Variants in COL4A2 observed in about 807,000 individuals in gnomAD.
COL4A2 encodes collagen type IV alpha 2 chain, also known as collagen alpha-2(IV) chain.
COL4A2 carries 99 observed loss-of-function variants against 200.2 expected under a neutral mutation model. The ratio of observed to expected loss-of-function variants is 0.49; its 90% CI spans 0.42 to 0.58. The LOEUF (loss-of-function observed/expected upper bound fraction) is 0.58. COL4A2 is among the 20% of genes least tolerant of loss of function. The probability of loss-of-function intolerance (pLI) is 0.00; values close to 1 mark genes in which losing one functional copy is unlikely to be tolerated. For synonymous variants in COL4A2, 897 were observed against 900.6 expected, an observed-to-expected ratio of 1.00 and a Z score of 0.07; for missense variants, 1,950 against 2,314.1, an observed-to-expected ratio of 0.84 and a Z score of 3.23.
intron 31 of COL4A2, among the ~76,000 whole-genome samples, chr13:110,482,184 C>T (rs1018511335): frequency 3.3e-5 from 5 of 152,242 alleles, no homozygotes; most frequent in Admixed American, 1.3e-4. Context: ...TCCTTTCCAG[C>T]GTGCTCCTCT....
intron 3 of COL4A2, among the ~76,000 whole-genome samples, chr13:110,315,848 A>C (rs1215279820): frequency 6.6e-6 from 1 of 152,200 alleles, no homozygotes; most frequent in Non-Finnish European, 1.5e-5. Flanking sequence ...CCCTCAACAG[A>C]GCTTGTTACA....
At chr13:110,499,477 C>T (rs1386410038) in intron 40 of COL4A2, among the ~76,000 whole-genome samples, 2 of 152,148 alleles carry the variant, frequency 1.3e-5, no homozygotes, top group African/African-American at 4.8e-5. Flanking sequence ...CAATTACTTC[C>T]CACCAGGTCC....
At chr13:110,507,707 G>T in intron 46 of COL4A2, 1 of 592,404 alleles carries the variant, frequency 1.7e-6, no homozygotes, top group East Asian at 2.8e-5. Context: ...CAGTATGTGT[G>T]AGAACTTGTA....
chr13:110,368,489 A>G (rs1877850326), intron 4 of COL4A2, among the ~76,000 whole-genome samples: 1 of 152,254 alleles, frequency 6.6e-6, no homozygotes, highest in African/African-American at 2.4e-5. Flanking sequence ...TTGACTAGAC[A>G]TAAAGTAAGC....
At chr13:110,369,647 CTG>C (rs2139400237) in intron 4 of COL4A2, among the ~76,000 whole-genome samples, 1 of 152,262 alleles carries the variant, frequency 6.6e-6, no homozygotes, top group South Asian at 2.1e-4. Flanking sequence ...GTTAATAAAA[CTG>C]CAACAAAGGA....
chr13:110,508,287 G>T lies in COL4A2; in HGVS notation c.4881+66G>T. The T allele has an allele frequency of 6.3e-7, 1 of 1,581,472 alleles. No individual in the cohort carries two copies. The highest frequency in any genetic ancestry group is 8.6e-7 in the Non-Finnish European group (1 of 1,160,104). ...TGCTGGGGACACAGCAAGAACAGCT[G>T]CCTTTGTGAGAAGAATCAGACACGG... On this transcript the variant is annotated intron_variant, in intron 47 of 47. Transcript: ENST00000360467. The surrounding 1 kb of genome is among the most constrained non-coding windows in gnomAD (Gnocchi z 6.1).
intron 27 of COL4A2, among the ~76,000 whole-genome samples, chr13:110,467,526 G>A (rs1882292697): frequency 6.6e-6 from 1 of 152,262 alleles, no homozygotes; most frequent in African/African-American, 2.4e-5. Context: ...AGGCTAGAGT[G>A]TTTTGTCTCT....
intron 3 of COL4A2, among the ~76,000 whole-genome samples, chr13:110,329,644 T>A (rs939724676): frequency 6.6e-6 from 1 of 152,244 alleles, no homozygotes; most frequent in Non-Finnish European, 1.5e-5. Flanking sequence ...ATAACATGCC[T>A]GAGGCCTCTG....
intron 36 of COL4A2, among the ~76,000 whole-genome samples, chr13:110,490,868 C>G (rs1481540502): frequency 6.6e-6 from 1 of 152,206 alleles, no homozygotes; most frequent in Non-Finnish European, 1.5e-5. Context: ...TTGTTAAACT[C>G]TGGGCCCAGA....
intron 47 of COL4A2, among the ~76,000 whole-genome samples, chr13:110,509,680 C>G (rs896948683): frequency 6.6e-6 from 1 of 152,156 alleles, no homozygotes; most frequent in Non-Finnish European, 1.5e-5. Flanking sequence ...ATCCCCTGTT[C>G]CATTAGCATC....
intron 16 of COL4A2, among the ~76,000 whole-genome samples, chr13:110,440,697 G>T (rs907930364): frequency 2.0e-5 from 3 of 152,200 alleles, no homozygotes; most frequent in Admixed American, 1.3e-4. Flanking sequence ...CAATGTTATA[G>T]TTCAGTGGTT....
intron 20 of COL4A2, among the ~76,000 whole-genome samples, chr13:110,454,506 G>A (rs1031863945): frequency 6.6e-5 from 10 of 152,140 alleles, no homozygotes; most frequent in African/African-American, 2.4e-4. Context: ...CACACAGAGG[G>A]AGAGCTTGGA....
chr13:110,307,296 A>C lies in COL4A2; in HGVS notation c.-277A>C, dbSNP rs7989823. On this transcript the variant is annotated 5_prime_UTR_variant, in exon 1 of 48. Transcript: ENST00000360467. This position sits in a 1 kb window ranked among gnomAD's most constrained non-coding sequence, Gnocchi z 5.0. ...GCGCGCGGCCCGGGAGTGTGGCTGC[A>C]GTGCGCCGGGACACCAGGGCTCCGC... The C allele has an allele frequency of 0.61, 227,450 of 371,128 alleles. 70,063 individuals carry two copies. Among genetic ancestry groups the C allele is most frequent in the African/African-American group, 0.7 (32,746 of 46,778 alleles). The allele number at this position is 371,128 out of a possible 1,614,324, so 23.0% of individuals were successfully genotyped here. A position where few individuals can be genotyped will look rare whatever the true frequency, so the allele number is the denominator to read the frequency against.
intron 4 of COL4A2, among the ~76,000 whole-genome samples, chr13:110,379,939 C>G (rs1878395598): frequency 6.6e-6 from 1 of 152,154 alleles, no homozygotes. Context: ...TCTCCTCCAC[C>G]TTCTCCAGCC....
chr13:110,374,048 C>A (rs1202269350), intron 4 of COL4A2, among the ~76,000 whole-genome samples: 1 of 152,164 alleles, frequency 6.6e-6, no homozygotes. Flanking sequence ...TAATGTTCAT[C>A]ATAATCGTGT....
chr13:110,492,118 G>A lies in COL4A2; in HGVS notation c.3503G>A (p.Arg1168Gln), dbSNP rs369072485. Residue 1168 changes from arginine (R) to glutamine (Q), a missense_variant, in exon 38 of 48, where the codon CGG (arginine) becomes CAG (glutamine). Around this residue, in one of 2 missense-constraint regions of COL4A2, gnomAD observed 1,385 missense variants for 1,720.5 expected, o/e 0.80. Transcript: ENST00000360467. ...CCAGGGTCGCAGGGAGAGCTGGGGC[G>A]GATTGGACTGCCTGGTGGCAAAGGA... ...GPPGSQGELG[R>Q]IGLPGGKGDD... 1.4e-4 allele frequency: 210 copies of A among 1,553,282 alleles called. No individual in the cohort carries two copies. The highest frequency in any genetic ancestry group is 1.8e-4 in the Admixed American group (9 of 51,176).
chr13:110,359,692 C>T (rs4773166), intron 4 of COL4A2, among the ~76,000 whole-genome samples: 78,289 of 152,048 alleles, frequency 0.51, 22,127 homozygotes, highest in Non-Finnish European at 0.63. Context: ...GGTGCGATGC[C>T]GCTGCCTCCT....
At chr13:110,332,755 A>G (rs1452678237) in intron 3 of COL4A2, among the ~76,000 whole-genome samples, 1 of 152,228 alleles carries the variant, frequency 6.6e-6, no homozygotes, top group Non-Finnish European at 1.5e-5. Flanking sequence ...AAGGTGACCA[A>G]TGAGTCCTTC....
intron 3 of COL4A2, among the ~76,000 whole-genome samples, chr13:110,343,260 A>C (rs1876541568): frequency 1.3e-5 from 2 of 152,300 alleles, no homozygotes; most frequent in South Asian, 4.1e-4. Context: ...CCACTCCCAA[A>C]TAACGGAGTG....
Sources: gnomAD v4.1 joint callset for allele counts (sites outside exome capture counted in the v4.1 genomes callset) on GRCh38, gnomAD v4.1.1 for gene constraint, gnomAD v4.1.1 regional missense constraint, Gnocchi (gnomAD v3.1) non-coding constraint, MANE v1.5 for transcripts, NCBI Gene and HGNC (gene_info 2026-07-23, HGNC 2026-07-21) for gene names.